ZNF33B: variants seen among roughly 807,000 people sequenced by gnomAD.
ZNF33B encodes the protein zinc finger protein 33B.
Under a neutral mutation model 45.8 loss-of-function variants are expected in ZNF33B, and 29 were observed. That is an observed-to-expected ratio of 0.63 (90% CI 0.47 to 0.86). ZNF33B has a LOEUF of 0.86. Among genes scored for constraint, ZNF33B ranks in the 40% least tolerant of loss-of-function variants. The probability of loss-of-function intolerance (pLI) is 0.00; values close to 1 mark genes in which losing one functional copy is unlikely to be tolerated. For missense variants in ZNF33B, 831 were observed against 909.9 expected, an observed-to-expected ratio of 0.91 and a Z score of 1.12; for synonymous variants, 305 against 307.8, an observed-to-expected ratio of 0.99 and a Z score of 0.10.
rs1837148783 is a variant in ZNF33B, at chr10:42,592,038, C to T, written c.*575G>A. Reference sequence around the variant, plus strand: ...GTAACATCGATTTCTTGGACTTGACCATATACTATGATTATATATTATCCT... The same window carrying T: ...GTAACATCGATTTCTTGGACTTGACTATATACTATGATTATATATTATCCT... On this transcript the variant is annotated 3_prime_UTR_variant, in exon 5 of 5. Coordinates refer to ENST00000359467, the MANE Select transcript of ZNF33B (RefSeq NM_006955.3). The T allele has an allele frequency of 6.5e-6, 1 of 153,068 alleles. No individual in the cohort carries two copies. Among genetic ancestry groups the T allele is most frequent in the African/African-American group, 2.4e-5 (1 of 41,426 alleles). 9.5% of individuals were successfully genotyped at this position (153,068 alleles called of 1,614,324 possible). A position where few individuals can be genotyped will look rare whatever the true frequency, so the allele number is the denominator to read the frequency against.
intron 2 of ZNF33B, among the ~76,000 whole-genome samples, chr10:42,634,764 T>C (rs1839212791): frequency 6.6e-6 from 1 of 152,168 alleles, no homozygotes; most frequent in South Asian, 2.1e-4. Context: ...CATACAAAAG[T>C]AGACACCCAT....
At chr10:42,625,294 C>T (rs1390193231) in intron 4 of ZNF33B, among the ~76,000 whole-genome samples, 1 of 152,022 alleles carries the variant, frequency 6.6e-6, no homozygotes, top group Non-Finnish European at 1.5e-5. Flanking sequence ...AGGTCCTATA[C>T]ATATTTTGTT....
chr10:42,606,617 T>C (rs1837865547), intron 4 of ZNF33B, among the ~76,000 whole-genome samples: 1 of 152,026 alleles, frequency 6.6e-6, no homozygotes, highest in African/African-American at 2.4e-5. Context: ...TATCTTTCTT[T>C]CAGCTTCTTT....
At chr10:42,602,313 T>G (rs158370) in intron 4 of ZNF33B, among the ~76,000 whole-genome samples, 4,715 of 151,910 alleles carry the variant, frequency 0.031, 210 homozygotes, top group East Asian at 0.13. Flanking sequence ...TTGATTTGTT[T>G]TTTTTTTTTT....
At chr10:42,579,506 T>A (rs1163899643) in intron 1 of ZNF33B, among the ~76,000 whole-genome samples, 2 of 145,818 alleles carry the variant, frequency 1.4e-5, no homozygotes, top group African/African-American at 2.5e-5. Flanking sequence ...GATCTCTGGA[T>A]GAAGGCTATC....
intron 2 of ZNF33B, 95 bp downstream of exon 2, chr10:42,636,825 G>T: frequency 6.4e-7 from 1 of 1,569,058 alleles, no homozygotes; most frequent in Non-Finnish European, 8.8e-7. Context: ...GAGACTCCAT[G>T]TCACAAACAA....
chr10:42,579,427 T>G (rs1346249363), intron 1 of ZNF33B, among the ~76,000 whole-genome samples: 1 of 152,222 alleles, frequency 6.6e-6, no homozygotes, highest in Non-Finnish European at 1.5e-5. Context: ...CAATGTCCCC[T>G]TTTGCAACTG....
At chr10:42,599,618 C>T (rs1837541619) in intron 4 of ZNF33B, among the ~76,000 whole-genome samples, 1 of 151,808 alleles carries the variant, frequency 6.6e-6, no homozygotes, top group African/African-American at 2.4e-5. Context: ...ATTGTGGAAA[C>T]TTCATATATG....
At position 42,593,548 on chromosome 10, in the gene ZNF33B, G is replaced by T. The variant is rs1837247387; in HGVS notation, c.1402C>A (p.Pro468Thr). 6.2e-7 allele frequency: 1 copy of T among 1,613,836 alleles called. No homozygotes were observed. Among genetic ancestry groups the T allele is most frequent in the Admixed American group, 1.7e-5 (1 of 59,994 alleles). Residue 468 changes from proline to threonine, a missense_variant, in exon 5 of 5, where the codon CCT becomes ACT. Transcript: ENST00000359467. ...VHQRTHTGEKPFECLECGKSF... is the reference protein window; with the variant it reads ...VHQRTHTGEKTFECLECGKSF... Reference sequence around the variant, plus strand: ...TTCCCACACTCAAGACATTCAAAAGGTTTCTCACCTGTGTGAGTTCTCTGG... The same window carrying T: ...TTCCCACACTCAAGACATTCAAAAGTTTTCTCACCTGTGTGAGTTCTCTGG...
chr10:42,613,531 G>A (rs1209494041), intron 4 of ZNF33B, among the ~76,000 whole-genome samples: 3 of 150,404 alleles, frequency 2.0e-5, no homozygotes, highest in East Asian at 3.9e-4. Flanking sequence ...CTGGGTGACA[G>A]AGCGAGACTC....
At chr10:42,597,316 T>C (rs1484366004) in intron 4 of ZNF33B, among the ~76,000 whole-genome samples, 1 of 152,124 alleles carries the variant, frequency 6.6e-6, no homozygotes, top group Non-Finnish European at 1.5e-5. Context: ...AAATTATGCT[T>C]TTTTCCTTTA....
intron 4 of ZNF33B, among the ~76,000 whole-genome samples, chr10:42,620,129 T>C (rs1313401717): frequency 6.6e-5 from 10 of 151,332 alleles, no homozygotes; most frequent in Admixed American, 6.6e-5. Flanking sequence ...GGCATGAGAA[T>C]TGCTTGAACC....
At chr10:42,622,792 C>T (rs1489549317) in intron 4 of ZNF33B, among the ~76,000 whole-genome samples, 1 of 152,104 alleles carries the variant, frequency 6.6e-6, no homozygotes, top group East Asian at 1.9e-4. Context: ...TGGATTTCCA[C>T]ATGAAAATAA....
downstream of ZNF33B, among the ~76,000 whole-genome samples, chr10:42,588,442 C>A: frequency 6.6e-6 from 1 of 152,172 alleles, no homozygotes; most frequent in Non-Finnish European, 1.5e-5. Flanking sequence ...ACTAGACGAC[C>A]CTGGCTTTGG....
intron 2 of ZNF33B, among the ~76,000 whole-genome samples, chr10:42,633,833 G>A (rs555327996): frequency 6.6e-6 from 1 of 152,212 alleles, no homozygotes; most frequent in South Asian, 2.1e-4. Context: ...GCCAGGCGTG[G>A]TGGCAGGCAC....
intron 2 of ZNF33B, among the ~76,000 whole-genome samples, chr10:42,636,186 C>T (rs1287195238): frequency 6.6e-6 from 1 of 152,068 alleles, no homozygotes; most frequent in Non-Finnish European, 1.5e-5. Context: ...ACTGATCAAA[C>T]AGTACATCCA....
At chr10:42,630,907 C>T (rs2132160284) in intron 4 of ZNF33B, among the ~76,000 whole-genome samples, 1 of 152,326 alleles carries the variant, frequency 6.6e-6, no homozygotes, top group East Asian at 1.9e-4. Flanking sequence ...ATCAAGCCCT[C>T]CCTTCAGCCA....
chr10:42,610,868 A>C (rs779610069), intron 4 of ZNF33B, among the ~76,000 whole-genome samples: 18 of 152,262 alleles, frequency 1.2e-4, no homozygotes, highest in Non-Finnish European at 2.4e-4. Context: ...AAAGAAGTAG[A>C]AAGTTAGAAG....
At chr10:42,626,475 G>A (rs1386995508) in intron 4 of ZNF33B, among the ~76,000 whole-genome samples, 3 of 152,008 alleles carry the variant, frequency 2.0e-5, no homozygotes, top group African/African-American at 4.8e-5. Flanking sequence ...GGACCACAAG[G>A]TCAGGAGTTT....
Sources: allele counts gnomAD v4.1 joint callset (sites outside exome capture counted in the v4.1 genomes callset), GRCh38; gene constraint gnomAD v4.1.1; transcripts MANE v1.5; gene names NCBI Gene and HGNC (gene_info 2026-07-23, HGNC 2026-07-21).